The following KIF21A variants were observed in gnomAD, a reference collection of about 807,000 sequenced individuals.
KIF21A encodes the protein kinesin-like protein KIF21A.
A neutral mutation model predicts 202.9 loss-of-function variants in KIF21A; 114 were observed. That is an observed-to-expected ratio of 0.56 (90% CI 0.48 to 0.66). The LOEUF is 0.66. Among genes scored for constraint, KIF21A ranks in the 30% least tolerant of loss-of-function variants. KIF21A has a pLI of 0.00. For synonymous variants in KIF21A, 667 were observed against 670.8 expected (o/e 0.99, Z 0.09); for missense variants, 1,677 against 1,994.9 (o/e 0.84, Z 3.04).
At chr12:39,404,261 G>C (rs1477724691) in intron 1 of KIF21A, among the ~76,000 whole-genome samples, 1 of 152,092 alleles carries the variant, frequency 6.6e-6, no homozygotes, top group African/African-American at 2.4e-5. Context: ...GCCATGCCTA[G>C]GTCCAGGAGA....
chr12:39,378,192 C>G (rs1018158653), intron 1 of KIF21A, among the ~76,000 whole-genome samples: 2 of 152,158 alleles, frequency 1.3e-5, no homozygotes, highest in African/African-American at 4.8e-5. Flanking sequence ...GGGCCATCTT[C>G]CTCTGACTTC....
chr12:39,411,268 T>C (rs1264187958), intron 1 of KIF21A, among the ~76,000 whole-genome samples: 1 of 152,204 alleles, frequency 6.6e-6, no homozygotes, highest in African/African-American at 2.4e-5. Flanking sequence ...ATCTATACCT[T>C]ATAGCCTTGA....
intron 1 of KIF21A, among the ~76,000 whole-genome samples, chr12:39,415,993 C>T (rs1953547570): frequency 6.6e-6 from 1 of 152,036 alleles, no homozygotes; most frequent in South Asian, 2.1e-4. Context: ...AACCAGTAAA[C>T]GAAGCTGGTA....
At chr12:39,401,933 A>T (rs1016129108) in intron 1 of KIF21A, among the ~76,000 whole-genome samples, 4 of 152,210 alleles carry the variant, frequency 2.6e-5, no homozygotes, top group African/African-American at 7.2e-5. Flanking sequence ...TCCTTACCAA[A>T]CTAGTTACAA....
intron 16 of KIF21A, among the ~76,000 whole-genome samples, chr12:39,339,781 T>TA (rs60964606): frequency 6.6e-6 from 1 of 152,174 alleles, no homozygotes; most frequent in Non-Finnish European, 1.5e-5. Context: ...CAGGAAGAGA[T>TA]AAACAGAAGG....
intron 1 of KIF21A, among the ~76,000 whole-genome samples, chr12:39,394,796 T>C (rs1951612916): frequency 1.3e-5 from 2 of 152,216 alleles, no homozygotes; most frequent in African/African-American, 2.4e-5. Flanking sequence ...GAAATCTTCA[T>C]CTCCATCCCA....
intron 33 of KIF21A, 34 bp from the exon 34 acceptor site, chr12:39,307,763 C>A (rs1413412363): frequency 1.2e-6 from 2 of 1,602,718 alleles, no homozygotes; most frequent in Non-Finnish European, 1.7e-6. Context: ...AAAAGTCACA[C>A]TTCTGGACTT....
intron 31 of KIF21A, among the ~76,000 whole-genome samples, chr12:39,313,888 A>C (rs933092930): frequency 6.6e-6 from 1 of 151,838 alleles, no homozygotes; most frequent in African/African-American, 2.4e-5. Flanking sequence ...TTTACAAAAC[A>C]GTAGAAGCAG....
chr12:39,357,547 C>G, intron 8 of KIF21A, 110 bp from the exon 9 acceptor site: 1 of 881,592 alleles, frequency 1.1e-6, no homozygotes. Context: ...GCGTTTTCAT[C>G]TTACCAACCC....
rs1473552824 is a variant in KIF21A, at chr12:39,442,726, C to A, written c.44+201G>T. Among the ~76,000 whole-genome samples the A allele has an allele frequency of 6.6e-6, 1 of 152,170 alleles. No homozygotes were observed. On this transcript the variant is annotated intron_variant, in intron 1 of 37. Transcript: ENST00000361418. This position sits in a 1 kb window ranked among gnomAD's most constrained non-coding sequence, Gnocchi z 5.0. ...CCTGCAAACACAGACGGCGTGAGGG[C>A]GGCGCAGTCGCCCTGCCAGCACCCG...
intron 29 of KIF21A, among the ~76,000 whole-genome samples, chr12:39,316,303 T>C (rs1944535817): frequency 6.6e-6 from 1 of 152,214 alleles, no homozygotes; most frequent in South Asian, 2.1e-4. Context: ...GTTTGCTCTA[T>C]TTAATTTGAC....
In KIF21A at chr12:39,294,885, G is replaced by A. The variant is rs190264180; in HGVS notation, c.4932-368C>T. 5.3e-4 allele frequency among the ~76,000 whole-genome samples: 80 copies of A among 152,248 alleles called. 2 individuals carry two copies. In the East Asian group the frequency reaches 0.014, roughly 26 times the overall value. On this transcript the variant is annotated intron_variant, in intron 37 of 37. Transcript: ENST00000361418. ...ATGTGAATCCAGGCAGTCTGGCTCCGAGCCCTATCTCTTTAACACTGGGTC... is the reference window on the plus strand; with the variant it reads ...ATGTGAATCCAGGCAGTCTGGCTCCAAGCCCTATCTCTTTAACACTGGGTC...
intron 1 of KIF21A, among the ~76,000 whole-genome samples, chr12:39,418,128 A>G (rs983231907): frequency 1.3e-5 from 2 of 151,710 alleles, no homozygotes; most frequent in African/African-American, 4.8e-5. Flanking sequence ...GGATCCCTTG[A>G]GCCTAACAGG....
intron 16 of KIF21A, among the ~76,000 whole-genome samples, chr12:39,339,509 T>A (rs886777670): frequency 6.6e-6 from 1 of 152,170 alleles, no homozygotes; most frequent in African/African-American, 2.4e-5. Context: ...TAAAAATGCA[T>A]TTCTCAGAAT....
In KIF21A at chr12:39,436,448, ATT is replaced by A. The variant is rs1160949360; in HGVS notation, c.44+6477_44+6478del. ...TATATATATATATATATATATATATATTTTTTTTTTTTTTAGACAGGGTTTCA... is the reference window on the plus strand; with the variant it reads ...TATATATATATATATATATATATATATTTTTTTTTTTTAGACAGGGTTTCA... On this transcript the variant is annotated intron_variant, in intron 1 of 37. Coordinates refer to ENST00000361418, the MANE Select transcript of KIF21A (RefSeq NM_001173464.2). 6.7e-4 allele frequency among the ~76,000 whole-genome samples: 64 copies of A among 95,718 alleles called. 1 individual carries two copies. Among genetic ancestry groups the A allele is most frequent in the Middle Eastern group, 5.0e-3 (1 of 200 alleles). 62.8% of individuals were successfully genotyped at this position (95,718 alleles called of 152,430 possible).
intron 7 of KIF21A, 122 bp downstream of exon 7, chr12:39,362,976 G>T (rs1164593557): frequency 7.3e-6 from 5 of 683,720 alleles, no homozygotes; most frequent in Non-Finnish European, 1.1e-5. Context: ...AACAGTATAA[G>T]GATTAGTTCC....
chr12:39,346,598 A>G (rs1947916135), intron 11 of KIF21A, 94 bp from the exon 12 acceptor site: 8 of 787,778 alleles, frequency 1.0e-5, no homozygotes, highest in Non-Finnish European at 1.5e-5. Context: ...TAAAAATGAT[A>G]CATGAGCTTG....
At chr12:39,311,047 T>C (rs1426240685) in intron 32 of KIF21A, among the ~76,000 whole-genome samples, 4 of 152,196 alleles carry the variant, frequency 2.6e-5, no homozygotes, top group Admixed American at 6.5e-5. Context: ...TAGCCCCTGA[T>C]ATGTAGTAAG....
chr12:39,332,691 G>A lies in KIF21A; in HGVS notation c.2756C>T (p.Ala919Val), dbSNP rs1196712876. Residue 919 changes from alanine to valine, a missense_variant, in exon 20 of 38, where the codon GCT (alanine) becomes GTT (valine). By Grantham distance (64) the Ala-to-Val change is moderately conservative. This residue lies in a region of KIF21A where 966 missense variants were observed against 1,180.9 expected (regional missense o/e 0.82). Coordinates refer to ENST00000361418, the MANE Select transcript of KIF21A (RefSeq NM_001173464.2). ...LTGRVFISKT[A>V]RMKWQLLERR... The stretch of plus-strand genomic sequence containing the variant: ...CTCAAGGAGCTGCCACTTCATGCGA[G>A]CTGTCTTGGAAATAAACACTCGGCC... 1 of 1,614,040 alleles carries A rather than the reference G, an allele frequency of 6.2e-7. No individual in the cohort carries two copies. Among genetic ancestry groups the A allele is most frequent in the Admixed American group, 1.7e-5 (1 of 60,006 alleles).
Sources: gnomAD v4.1 joint callset for allele counts (sites outside exome capture counted in the v4.1 genomes callset) on GRCh38, gnomAD v4.1.1 for gene constraint, gnomAD v4.1.1 regional missense constraint, Gnocchi (gnomAD v3.1) non-coding constraint, MANE v1.5 for transcripts, NCBI Gene and HGNC (gene_info 2026-07-23, HGNC 2026-07-21) for gene names.